The following GRM7 variants were observed in gnomAD, a reference collection of about 807,000 sequenced individuals.
The protein encoded by GRM7 is metabotropic glutamate receptor 7.
A neutral mutation model predicts 84.5 loss-of-function variants in GRM7; 35 were observed. The observed-to-expected ratio is 0.41, with a 90% CI of 0.32 to 0.55. GRM7 has a LOEUF of 0.55. Among genes scored for constraint, GRM7 ranks in the 20% least tolerant of loss-of-function variants. The probability of loss-of-function intolerance (pLI) is 0.19; values close to 1 mark genes in which losing one functional copy is unlikely to be tolerated. For synonymous variants in GRM7, 487 were observed against 455.1 expected (o/e 1.07, Z -0.89); for missense variants, 1,003 against 1,194.6 (o/e 0.84, Z 2.36).
intron 1 of GRM7, among the ~76,000 whole-genome samples, chr3:7,112,919 A>G (rs1692910115): frequency 6.6e-6 from 1 of 152,176 alleles, no homozygotes; most frequent in Non-Finnish European, 1.5e-5. Flanking sequence ...CTTCCCTTTC[A>G]GCAGCCTGTG....
At chr3:6,913,953 C>T (rs1696859171) in intron 1 of GRM7, among the ~76,000 whole-genome samples, 1 of 152,148 alleles carries the variant, frequency 6.6e-6, no homozygotes, top group Non-Finnish European at 1.5e-5. Flanking sequence ...ATACTACATA[C>T]TCCTGTCTTT....
chr3:7,181,027 C>T (rs532533852), intron 2 of GRM7, among the ~76,000 whole-genome samples: 135 of 152,224 alleles, frequency 8.9e-4, no homozygotes, highest in Non-Finnish European at 1.5e-3. Flanking sequence ...TAAATCTTGG[C>T]GACTTTTGAG....
At chr3:7,573,214 A>G (rs1190645483) in intron 7 of GRM7, among the ~76,000 whole-genome samples, 1 of 151,888 alleles carries the variant, frequency 6.6e-6, no homozygotes, top group Non-Finnish European at 1.5e-5. Flanking sequence ...TTTTCTATCA[A>G]TTAGATAGGA....
At chr3:7,600,452 A>T (rs1696258215) in intron 8 of GRM7, among the ~76,000 whole-genome samples, 1 of 151,950 alleles carries the variant, frequency 6.6e-6, no homozygotes, top group Admixed American at 6.6e-5. Flanking sequence ...TGTCAATAAA[A>T]ACCTCTTGGT....
intron 1 of GRM7, among the ~76,000 whole-genome samples, chr3:7,118,117 G>T (rs1693098340): frequency 6.6e-6 from 1 of 152,122 alleles, no homozygotes; most frequent in Non-Finnish European, 1.5e-5. Flanking sequence ...TGGGTATGGT[G>T]GCTTATGCCA....
chr3:7,073,161 G>A (rs561888494), intron 1 of GRM7, among the ~76,000 whole-genome samples: 12 of 151,746 alleles, frequency 7.9e-5, no homozygotes, highest in African/African-American at 2.7e-4. Flanking sequence ...AATTTTAAAG[G>A]CAAATATTCA....
chr3:7,198,779 C>A (rs1161524235), intron 2 of GRM7, among the ~76,000 whole-genome samples: 10 of 152,168 alleles, frequency 6.6e-5, no homozygotes, highest in Non-Finnish European at 1.5e-4. Flanking sequence ...AAGGCTTTCA[C>A]ACCATCATAA....
chr3:7,667,318 G>A (rs1699744426), intron 8 of GRM7, among the ~76,000 whole-genome samples: 1 of 151,344 alleles, frequency 6.6e-6, no homozygotes, highest in South Asian at 2.1e-4. Context: ...GCATCTAGTT[G>A]CATGGAAATG....
At chr3:6,961,047 C>T in intron 1 of GRM7, among the ~76,000 whole-genome samples, 1 of 152,166 alleles carries the variant, frequency 6.6e-6, no homozygotes, top group Non-Finnish European at 1.5e-5. Context: ...TCAAAATTTA[C>T]ACTGATCGTT....
At chr3:7,096,924 GA>G (rs1046563780) in intron 1 of GRM7, among the ~76,000 whole-genome samples, 9 of 152,184 alleles carry the variant, frequency 5.9e-5, no homozygotes, top group Non-Finnish European at 1.3e-4. Context: ...TTGTGAAATG[GA>G]AACAAAAACA....
At chr3:7,572,131 T>C (rs1392844923) in intron 7 of GRM7, among the ~76,000 whole-genome samples, 1 of 152,150 alleles carries the variant, frequency 6.6e-6, no homozygotes, top group Non-Finnish European at 1.5e-5. Context: ...TCAGACCATA[T>C]CACCAGAGAA....
Position 7,190,764 on chromosome 3 carries a change from C to G in GRM7, c.736+44096C>G, listed in dbSNP as rs149417245. Among the ~76,000 whole-genome samples, 11 of 152,086 alleles carry G rather than the reference C, an allele frequency of 7.2e-5. No individual in the cohort carries two copies. In the East Asian group the frequency reaches 1.9e-3, roughly 27 times the overall value. Reference sequence around the variant, plus strand: ...CAGAGAGCACCCAGTGTGTTTGAAGCCTCAATTAACTCACACCATTGAGTT... The same window carrying G: ...CAGAGAGCACCCAGTGTGTTTGAAGGCTCAATTAACTCACACCATTGAGTT... On this transcript the variant is annotated intron_variant, in intron 2 of 9. Transcript: ENST00000357716.
intron 2 of GRM7, among the ~76,000 whole-genome samples, chr3:7,282,681 C>A (rs1350010604): frequency 1.3e-5 from 2 of 152,164 alleles, no homozygotes. Flanking sequence ...TGTGACTTAA[C>A]AAATGTAGGT....
intron 7 of GRM7, among the ~76,000 whole-genome samples, chr3:7,497,100 A>G (rs553156038): frequency 2.0e-4 from 31 of 152,186 alleles, no homozygotes; most frequent in African/African-American, 7.2e-4. Flanking sequence ...GGTTATTTAG[A>G]ACTTGTGGCC....
intron 4 of GRM7, among the ~76,000 whole-genome samples, chr3:7,312,936 CTTTTT>C (rs372557190): frequency 1.2e-4 from 15 of 127,238 alleles, no homozygotes; most frequent in Non-Finnish European, 2.0e-4. Flanking sequence ...TTCTTTTTTT[CTTTTT>C]TTTTTTTTTT....
chr3:7,567,526 T>C (rs559271800), intron 7 of GRM7, among the ~76,000 whole-genome samples: 4 of 151,944 alleles, frequency 2.6e-5, no homozygotes, highest in African/African-American at 7.2e-5. Flanking sequence ...GGTGGGTGGA[T>C]TGCATGAGGC....
intron 5 of GRM7, among the ~76,000 whole-genome samples, chr3:7,451,384 G>A (rs1697761374): frequency 6.6e-6 from 1 of 152,190 alleles, no homozygotes; most frequent in South Asian, 2.1e-4. Context: ...TTACGGGAAT[G>A]TTGAATTGCG....
chr3:7,448,726 T>G (rs1259996637), intron 5 of GRM7, among the ~76,000 whole-genome samples: 1 of 152,168 alleles, frequency 6.6e-6, no homozygotes, highest in Non-Finnish European at 1.5e-5. Context: ...TCAGAGCCTT[T>G]AATATGTTAA....
intron 7 of GRM7, among the ~76,000 whole-genome samples, chr3:7,499,558 G>A (rs1376388832): frequency 6.6e-6 from 1 of 152,128 alleles, no homozygotes; most frequent in Non-Finnish European, 1.5e-5. Flanking sequence ...TGCTTTACAT[G>A]TTTATTCTCA....
Sources: gnomAD v4.1 joint callset for allele counts (sites outside exome capture counted in the v4.1 genomes callset) on GRCh38, gnomAD v4.1.1 for gene constraint, MANE v1.5 for transcripts, NCBI Gene and HGNC (gene_info 2026-07-23, HGNC 2026-07-21) for gene names.